Variants in KCNG4 observed in about 807,000 individuals in gnomAD.
The protein encoded by KCNG4 is potassium voltage-gated channel modifier subfamily G member 4.
A neutral mutation model predicts 28.2 loss-of-function variants in KCNG4; 30 were observed. The ratio of observed to expected loss-of-function variants is 1.06; its 90% CI spans 0.80 to 1.44. The LOEUF (loss-of-function observed/expected upper bound fraction) is 1.44. Among genes scored for constraint, KCNG4 ranks in the 40% most tolerant of loss-of-function variants. The pLI, the probability that KCNG4 is intolerant of heterozygous loss-of-function variation, is 0.00. For synonymous variants in KCNG4, 375 were observed against 315.5 expected (o/e 1.19, Z -2.00); for missense variants, 879 against 712.3 (o/e 1.23, Z -2.66).
intron 2 of KCNG4, among the ~76,000 whole-genome samples, chr16:84,230,584 C>G (rs1470923405): frequency 6.6e-6 from 1 of 152,002 alleles, no homozygotes; most frequent in Non-Finnish European, 1.5e-5. Flanking sequence ...AATAAACAAA[C>G]AAAGAAAACT....
At chr16:84,229,885 G>T (rs1012597908) in intron 2 of KCNG4, among the ~76,000 whole-genome samples, 2 of 152,232 alleles carry the variant, frequency 1.3e-5, no homozygotes, top group African/African-American at 2.4e-5. Context: ...ATTCGCTAGA[G>T]CAATTACCAA....
intron 2 of KCNG4, among the ~76,000 whole-genome samples, chr16:84,230,886 T>C (rs1597619154): frequency 6.6e-6 from 1 of 152,090 alleles, no homozygotes; most frequent in South Asian, 2.1e-4. Flanking sequence ...GCGTGGCGAG[T>C]TCGCCTGCTT....
At position 84,222,784 on chromosome 16, in the gene KCNG4, C is replaced by G; in HGVS notation, c.993G>C (p.Lys331Asn). 1 of 1,610,932 alleles carries G rather than the reference C, an allele frequency of 6.2e-7. No individual in the cohort carries two copies. The highest frequency in any genetic ancestry group is 1.7e-5 in the Admixed American group (1 of 59,796). Residue 331 changes from lysine (K) to asparagine (N), a missense_variant, in exon 3 of 3, where the codon AAG (lysine) becomes AAC (asparagine). Coordinates refer to ENST00000308251, the MANE Select transcript of KCNG4 (RefSeq NM_172347.3). ...GCAGCACACGCAGGACCAGCCCCACCTTCTCCAGGTAGGAGCTCCCGCTCG... is the reference window on the plus strand; with the variant it reads ...GCAGCACACGCAGGACCAGCCCCACGTTCTCCAGGTAGGAGCTCCCGCTCG... Reference protein sequence around the residue: ...ERPSGSSYLEKVGLVLRVLRA... With the variant: ...ERPSGSSYLENVGLVLRVLRA...
chr16:84,237,572 C>T, intron 1 of KCNG4, 47 bp from the exon 2 acceptor site: 1 of 1,361,158 alleles, frequency 7.3e-7, no homozygotes, highest in Non-Finnish European at 9.6e-7. Context: ...GGAAATCAGT[C>T]TTGGGGCAAA....
At position 84,236,912 on chromosome 16, in the gene KCNG4, G is replaced by A. The variant is rs544548852; in HGVS notation, c.574C>T (p.Arg192Cys). 6 of 1,613,474 alleles carry A rather than the reference G, an allele frequency of 3.7e-6. No homozygotes were observed. Among genetic ancestry groups the A allele is most frequent in the Admixed American group, 3.3e-5 (2 of 60,014 alleles). Residue 192 changes from arginine (R) to cysteine (C), a missense_variant, in exon 2 of 3, where the codon CGC becomes TGC. By Grantham distance (180) the Arg-to-Cys change is radical. Transcript: ENST00000308251. ...DVLRQQRETR[R>C]PASHSSRWGL... ...CAGCGCGAGGAGTGCGAGGCGGGGCGGCGGGTCTCCCTCTGCTGCCTCAGT... is the reference window on the plus strand; with the variant it reads ...CAGCGCGAGGAGTGCGAGGCGGGGCAGCGGGTCTCCCTCTGCTGCCTCAGT...
At chr16:84,234,193 G>C (rs1185808285) in intron 2 of KCNG4, among the ~76,000 whole-genome samples, 1 of 152,072 alleles carries the variant, frequency 6.6e-6, no homozygotes, top group Admixed American at 6.5e-5. Flanking sequence ...TTTTTTTTGA[G>C]ATGGAGTTTT....
chr16:84,239,972 G>T lies in KCNG4; in HGVS notation c.-343C>A, dbSNP rs948543824. 6.6e-6 allele frequency among the ~76,000 whole-genome samples: 1 copy of T among 151,710 alleles called. No individual in the cohort carries two copies. The highest frequency in any genetic ancestry group is 1.5e-5 in the Non-Finnish European group (1 of 67,946). Reference sequence around the variant, plus strand: ...AGTCCCTTTCCTTATGAGAGATGAGGGTCTGGGGGTTCTTGCTGGGAGGGA... The same window carrying T: ...AGTCCCTTTCCTTATGAGAGATGAGTGTCTGGGGGTTCTTGCTGGGAGGGA... On this transcript the variant is annotated 5_prime_UTR_variant, in exon 1 of 3. Transcript: ENST00000308251.
intron 2 of KCNG4, among the ~76,000 whole-genome samples, chr16:84,233,602 G>T (rs1462657441): frequency 6.6e-6 from 1 of 152,152 alleles, no homozygotes; most frequent in Non-Finnish European, 1.5e-5. Context: ...TACCTGGGGG[G>T]TTGAGGTGGG....
chr16:84,238,895 G>A (rs1195200164), intron 1 of KCNG4, among the ~76,000 whole-genome samples: 5 of 151,968 alleles, frequency 3.3e-5, no homozygotes, highest in African/African-American at 1.2e-4. Context: ...AAAAAATGAC[G>A]GGGCCTCTAA....
chr16:84,235,910 C>G (rs1031470012), intron 2 of KCNG4: 3 of 152,040 alleles, frequency 2.0e-5, no homozygotes, highest in African/African-American at 7.2e-5. Context: ...CAACCAAATG[C>G]TAGGTTCTTA....
intron 2 of KCNG4, 114 bp from the exon 3 acceptor site, chr16:84,223,134 A>T: frequency 1.2e-6 from 1 of 821,156 alleles, no homozygotes; most frequent in Non-Finnish European, 1.9e-6. Flanking sequence ...GTCGTCCACC[A>T]GAACCTCCTT....
chr16:84,237,062 A>T lies in KCNG4; in HGVS notation c.424T>A (p.Ser142Thr). The stretch of plus-strand genomic sequence containing the variant: ...CAGTAGGCCAGCTCCTCCTGGAAGG[A>T]CAGCGCGCACATCTCCTGCAGAAGC... ...LVLLQEMCAL[S>T]FQEELAYWGI... is the part of the protein sequence containing the mutation. Residue 142 changes from serine to threonine, a missense_variant, in exon 2 of 3, where the codon TCC (serine) becomes ACC (threonine). Physicochemically the swap from Ser to Thr is moderately conservative, Grantham distance 58. Coordinates refer to ENST00000308251, the MANE Select transcript of KCNG4 (RefSeq NM_172347.3). 1.2e-6 allele frequency: 2 copies of T among 1,613,982 alleles called. No individual in the cohort carries two copies. The highest frequency in any genetic ancestry group is 1.7e-6 in the Non-Finnish European group (2 of 1,179,980).
chr16:84,224,053 T>G (rs1041234060), intron 2 of KCNG4, among the ~76,000 whole-genome samples: 3 of 152,162 alleles, frequency 2.0e-5, no homozygotes, highest in South Asian at 2.1e-4. Flanking sequence ...CTTCTGCCAC[T>G]CAAAGTGTGG....
chr16:84,238,008 A>G (rs1172675705), intron 1 of KCNG4, among the ~76,000 whole-genome samples: 3 of 152,222 alleles, frequency 2.0e-5, no homozygotes, highest in Admixed American at 2.0e-4. Flanking sequence ...ACAGACTGCC[A>G]GCACAGGTGG....
intron 2 of KCNG4, among the ~76,000 whole-genome samples, chr16:84,224,641 C>T (rs1400951157): frequency 1.3e-5 from 2 of 152,320 alleles, no homozygotes; most frequent in African/African-American, 2.4e-5. Context: ...GACTGAACCA[C>T]GACAGTCTCT....
At chr16:84,225,760 G>A (rs1347846512) in intron 2 of KCNG4, among the ~76,000 whole-genome samples, 2 of 152,214 alleles carry the variant, frequency 1.3e-5, no homozygotes, top group Non-Finnish European at 2.9e-5. Flanking sequence ...CATGCACACC[G>A]GCTCCTGCCC....
rs79509431 is a variant in KCNG4, at chr16:84,224,092, G to A, written c.757-1072C>T. On this transcript the variant is annotated intron_variant, in intron 2 of 2. Coordinates refer to ENST00000308251, the MANE Select transcript of KCNG4 (RefSeq NM_172347.3). ...TTGAGCCAAAAGCATCAGCCTCCCCGAGGAGCTTGTTAGAAACACAGCATC... is the reference window on the plus strand; with the variant it reads ...TTGAGCCAAAAGCATCAGCCTCCCCAAGGAGCTTGTTAGAAACACAGCATC... 7.0e-3 allele frequency among the ~76,000 whole-genome samples: 1,067 copies of A among 152,148 alleles called. 23 individuals are homozygous for A. Among genetic ancestry groups the A allele is most frequent in the Admixed American group, 0.042 (634 of 15,268 alleles).
At chr16:84,223,644 T>C (rs1356696453) in intron 2 of KCNG4, among the ~76,000 whole-genome samples, 4 of 152,192 alleles carry the variant, frequency 2.6e-5, no homozygotes, top group Non-Finnish European at 5.9e-5. Flanking sequence ...CCCCATTTGA[T>C]GGCCCAGGAA....
In KCNG4 at chr16:84,236,977, T is replaced by C. The variant is rs1270485761; in HGVS notation, c.509A>G (p.Glu170Gly). 4 of 1,613,712 alleles carry C rather than the reference T, an allele frequency of 2.5e-6. No individual in the cohort carries two copies. The highest frequency in any genetic ancestry group is 1.7e-5 in the Admixed American group (1 of 60,016). ...CAGCTTGGCCAGCTCCTCCAGCTCC[T>C]CCAGCTTCCTCAGCAGCTTCCGCAG... is the stretch of plus-strand genomic sequence containing the variant. ...CCLRKLLRKL[E>G]ELEELAKLHR... The change falls in exon 2 of 3, where the codon GAG becomes GGG. Residue 170 changes from glutamate to glycine, a missense_variant. By Grantham distance (98) the Glu-to-Gly change is moderately conservative (BLOSUM62 -2). Transcript: ENST00000308251.
Sources: allele counts gnomAD v4.1 joint callset (sites outside exome capture counted in the v4.1 genomes callset), GRCh38; gene constraint gnomAD v4.1.1; transcripts MANE v1.5; gene names NCBI Gene and HGNC (gene_info 2026-07-23, HGNC 2026-07-21).